The following PTPRT variants were observed in gnomAD, a reference collection of about 807,000 sequenced individuals.
The protein encoded by PTPRT is receptor-type tyrosine-protein phosphatase T.
In PTPRT, 56 loss-of-function variants were observed where a neutral mutation model predicts 176.8. The ratio of observed to expected loss-of-function variants is 0.32; its 90% confidence interval spans 0.26 to 0.40. The LOEUF (loss-of-function observed/expected upper bound fraction) is 0.40, where lower values mean the gene tolerates loss of function less well. PTPRT is among the 10% of genes least tolerant of loss of function. PTPRT has a pLI of 1.00. For synonymous variants in PTPRT, 783 were observed against 739.0 expected, an observed-to-expected ratio of 1.06 and a Z score of -0.96; for missense variants, 1,540 against 1,908.2, an observed-to-expected ratio of 0.81 and a Z score of 3.60.
chr20:42,154,090 C>A (rs1047760601), intron 17 of PTPRT, among the ~76,000 whole-genome samples: 3 of 152,142 alleles, frequency 2.0e-5, no homozygotes, highest in Admixed American at 6.5e-5. Flanking sequence ...TATGAGTTCC[C>A]AGAGTTGAAG....
At chr20:42,482,660 G>T (rs532403681) in intron 7 of PTPRT, among the ~76,000 whole-genome samples, 1 of 152,266 alleles carries the variant, frequency 6.6e-6, no homozygotes, top group African/African-American at 2.4e-5. Context: ...GAAAAATCAA[G>T]GAGGGAAGAG....
intron 12 of PTPRT, among the ~76,000 whole-genome samples, chr20:42,288,828 C>T (rs1224834070): frequency 1.3e-5 from 2 of 151,942 alleles, no homozygotes; most frequent in Non-Finnish European, 2.9e-5. Context: ...GATAGACATA[C>T]AAGTGCATGT....
chr20:42,099,446 C>T (rs994534604), intron 26 of PTPRT, among the ~76,000 whole-genome samples: 1 of 150,690 alleles, frequency 6.6e-6, no homozygotes, highest in Non-Finnish European at 1.5e-5. Context: ...CTGGTATTGT[C>T]GCTGGCACAT....
intron 25 of PTPRT, 73 bp downstream of exon 25, chr20:42,104,496 C>T: frequency 6.8e-7 from 1 of 1,465,942 alleles, no homozygotes; most frequent in Non-Finnish European, 9.4e-7. Context: ...ATTTAAACCA[C>T]CCAATCTATG....
At chr20:42,224,547 A>C in intron 15 of PTPRT, among the ~76,000 whole-genome samples, 1 of 152,254 alleles carries the variant, frequency 6.6e-6, no homozygotes, top group Non-Finnish European at 1.5e-5. Context: ...CCAAATGGCC[A>C]GGCTAATGCT....
intron 9 of PTPRT, among the ~76,000 whole-genome samples, chr20:42,375,885 C>A (rs2058644682): frequency 6.6e-6 from 1 of 152,092 alleles, no homozygotes; most frequent in Admixed American, 6.6e-5. Flanking sequence ...GAAGGGGGTG[C>A]CTGCTCAGAA....
intron 1 of PTPRT, among the ~76,000 whole-genome samples, chr20:43,140,823 T>C (rs1210522686): frequency 6.6e-6 from 1 of 152,214 alleles, no homozygotes; most frequent in Non-Finnish European, 1.5e-5. Context: ...AAGCAGTTTA[T>C]AGTTTTCAGT....
At chr20:42,598,302 G>T (rs942064649) in intron 7 of PTPRT, among the ~76,000 whole-genome samples, 6 of 152,114 alleles carry the variant, frequency 3.9e-5, no homozygotes, top group African/African-American at 1.4e-4. Flanking sequence ...GTATCTTCAG[G>T]TATGGGAATA....
intron 1 of PTPRT, among the ~76,000 whole-genome samples, chr20:43,181,477 T>C (rs1395063555): frequency 1.3e-5 from 2 of 152,142 alleles, no homozygotes; most frequent in East Asian, 3.9e-4. Flanking sequence ...TGGAGGCCAA[T>C]TCCAAGATGC....
intron 1 of PTPRT, among the ~76,000 whole-genome samples, chr20:43,097,846 A>G (rs1444324025): frequency 1.3e-5 from 2 of 152,160 alleles, no homozygotes; most frequent in African/African-American, 4.8e-5. Flanking sequence ...GGTCTTTATG[A>G]TCTTAAGTAT....
chr20:42,350,375 TG>T (rs1327344964), intron 11 of PTPRT, among the ~76,000 whole-genome samples: 4 of 152,064 alleles, frequency 2.6e-5, no homozygotes, highest in Admixed American at 2.0e-4. Context: ...ACTACAGGCG[TG>T]TGCTACCACA....
intron 19 of PTPRT, among the ~76,000 whole-genome samples, chr20:42,124,653 T>C (rs186006793): frequency 0.017 from 2,592 of 152,316 alleles, 39 homozygotes; most frequent in Non-Finnish European, 0.029. Flanking sequence ...TGTGGCTGCG[T>C]TGGAGACCAG....
At chr20:42,783,921 T>C (rs2077251437) in intron 3 of PTPRT, among the ~76,000 whole-genome samples, 1 of 151,966 alleles carries the variant, frequency 6.6e-6, no homozygotes, top group East Asian at 1.9e-4. Flanking sequence ...GCACTCCAAG[T>C]CAGTAAATGG....
At chr20:42,088,110 G>A (rs747125327) in intron 27 of PTPRT, among the ~76,000 whole-genome samples, 21 of 152,122 alleles carry the variant, frequency 1.4e-4, no homozygotes, top group Non-Finnish European at 2.5e-4. Flanking sequence ...GTACAGAGGG[G>A]AGACAAGATT....
intron 23 of PTPRT, among the ~76,000 whole-genome samples, chr20:42,108,686 TAATA>T (rs1394854880): frequency 5.9e-5 from 9 of 152,144 alleles, no homozygotes; most frequent in South Asian, 2.1e-4. Context: ...CCTGAAGGAT[TAATA>T]AATAATCTGG....
chr20:42,791,968 A>G (rs1380232544), intron 2 of PTPRT, among the ~76,000 whole-genome samples: 4 of 152,350 alleles, frequency 2.6e-5, no homozygotes, highest in Non-Finnish European at 4.4e-5. Flanking sequence ...GGGCTCCACC[A>G]TATGACTTGT....
At chr20:42,329,108 A>G (rs935005724) in intron 11 of PTPRT, among the ~76,000 whole-genome samples, 2 of 152,198 alleles carry the variant, frequency 1.3e-5, no homozygotes, top group African/African-American at 4.8e-5. Context: ...CTATGGATGG[A>G]GTCTACATGA....
intron 13 of PTPRT, among the ~76,000 whole-genome samples, chr20:42,267,596 G>A (rs2056860919): frequency 1.3e-5 from 2 of 152,172 alleles, no homozygotes; most frequent in Non-Finnish European, 2.9e-5. Flanking sequence ...GGGAATGTCT[G>A]GAGATGTACT....
chr20:42,943,060 C>A (rs567008898), intron 1 of PTPRT, among the ~76,000 whole-genome samples: 1 of 152,174 alleles, frequency 6.6e-6, no homozygotes, highest in East Asian at 1.9e-4. Flanking sequence ...TTGTGGAAAC[C>A]ATTTCACTCA....
Sources: gnomAD v4.1 joint callset for allele counts (sites outside exome capture counted in the v4.1 genomes callset) on GRCh38, gnomAD v4.1.1 for gene constraint, MANE v1.5 for transcripts, NCBI Gene and HGNC (gene_info 2026-07-23, HGNC 2026-07-21) for gene names.